OSBP2: variants seen among roughly 807,000 people sequenced by gnomAD.
The protein encoded by OSBP2 is oxysterol binding protein 2.
Under a neutral mutation model 96.0 loss-of-function variants are expected in OSBP2, and 66 were observed. The ratio of observed to expected loss-of-function variants is 0.69; its 90% CI spans 0.56 to 0.84. The LOEUF (loss-of-function observed/expected upper bound fraction) is 0.84. Among genes scored for constraint, OSBP2 ranks in the 40% least tolerant of loss-of-function variants. The probability of loss-of-function intolerance (pLI) is 0.00; values close to 1 mark genes in which losing one functional copy is unlikely to be tolerated. For synonymous variants in OSBP2, 525 were observed against 520.9 expected (o/e 1.01, Z -0.11); for missense variants, 1,038 against 1,222.7 (o/e 0.85, Z 2.25).
chr22:30,794,607 T>A, intron 2 of OSBP2, among the ~76,000 whole-genome samples: 1 of 152,018 alleles, frequency 6.6e-6, no homozygotes, highest in South Asian at 2.1e-4. Flanking sequence ...ATATGAATAT[T>A]TGATATATTA....
At chr22:30,885,801 C>T (rs966013658) in intron 3 of OSBP2, among the ~76,000 whole-genome samples, 5 of 152,254 alleles carry the variant, frequency 3.3e-5, no homozygotes, top group Admixed American at 2.0e-4. Flanking sequence ...TGAACCAAAC[C>T]AGCTGCTGCT....
At chr22:30,694,371 G>A (rs1394202740), upstream of OSBP2, 4 of 1,519,932 alleles carry the variant, frequency 2.6e-6, no homozygotes, top group East Asian at 7.4e-5. Flanking sequence ...GGGGCGGGGC[G>A]TCGTCTTTAG....
chr22:30,800,407 G>A (rs2090833027), intron 2 of OSBP2, among the ~76,000 whole-genome samples: 1 of 152,196 alleles, frequency 6.6e-6, no homozygotes, highest in East Asian at 1.9e-4. Flanking sequence ...CTGGCTGGTT[G>A]TGAGGGAGGA....
intron 3 of OSBP2, among the ~76,000 whole-genome samples, chr22:30,874,615 AG>A (rs1201103668): frequency 6.6e-6 from 1 of 152,166 alleles, no homozygotes; most frequent in African/African-American, 2.4e-5. Flanking sequence ...TGGTCCTCGC[AG>A]GGCGCTGCAG....
intron 2 of OSBP2, among the ~76,000 whole-genome samples, chr22:30,756,628 G>A (rs2090143998): frequency 1.3e-5 from 2 of 152,172 alleles, no homozygotes; most frequent in East Asian, 3.8e-4. Flanking sequence ...GGGAGGTGGA[G>A]TTTGCGGTGA....
At chr22:30,752,824 G>A (rs558737371) in intron 2 of OSBP2, among the ~76,000 whole-genome samples, 2 of 152,296 alleles carry the variant, frequency 1.3e-5, no homozygotes, top group South Asian at 4.1e-4. Flanking sequence ...AAAATACTCT[G>A]ATCTCTTTTA....
rs1048413764 is a variant in OSBP2, at chr22:30,890,501, T to C, written c.1624-227T>C. Among the ~76,000 whole-genome samples, 2 of 152,020 alleles carry C rather than the reference T, an allele frequency of 1.3e-5. No individual in the cohort carries two copies. The highest frequency in any genetic ancestry group is 4.8e-5 in the African/African-American group (2 of 41,392). ...AGCAACAGTGAACATGATAAAAGTG[T>C]GTAGGATGCAGCAGACCAGAAAGTG... On this transcript the variant is annotated intron_variant, in intron 7 of 13. Transcript: ENST00000332585. This position sits in a 1 kb window ranked among gnomAD's most constrained non-coding sequence, Gnocchi z 4.4.
chr22:30,898,865 A>ATAT (rs980702000), intron 12 of OSBP2, among the ~76,000 whole-genome samples: 7 of 54,426 alleles, frequency 1.3e-4, no homozygotes, highest in African/African-American at 8.2e-4. Flanking sequence ...CTTTATATTA[A>ATAT]TAATAATAAT....
intron 2 of OSBP2, among the ~76,000 whole-genome samples, chr22:30,848,266 C>T (rs56127349): frequency 0.049 from 7,392 of 152,106 alleles, 598 homozygotes; most frequent in African/African-American, 0.17. Context: ...CTATTGCAAA[C>T]AGTGCTGAAT....
At chr22:30,798,084 G>A (rs1244250242) in intron 2 of OSBP2, among the ~76,000 whole-genome samples, 1 of 152,090 alleles carries the variant, frequency 6.6e-6, no homozygotes, top group African/African-American at 2.4e-5. Context: ...CCACATCCTT[G>A]CCAACACTTG....
rs114301560 is a variant in OSBP2, at chr22:30,702,307, G to T, written c.644+6754G>T. Among the ~76,000 whole-genome samples the T allele has an allele frequency of 8.7e-3, 1,328 of 152,226 alleles. 16 individuals are homozygous for T. The highest frequency in any genetic ancestry group is 0.029 in the African/African-American group (1,221 of 41,534). ...CCTGGGGTTGTCTCACCTTCTCCAG[G>T]ATTCTCTTTCAATAGTACCTTCTCT... On this transcript the variant is annotated intron_variant, in intron 1 of 13. Coordinates refer to ENST00000332585, the MANE Select transcript of OSBP2 (RefSeq NM_030758.4).
intron 9 of OSBP2, 36 bp from the exon 10 acceptor site, chr22:30,893,427 G>C: frequency 1.3e-6 from 2 of 1,575,640 alleles, no homozygotes; most frequent in South Asian, 2.2e-5. Context: ...GCCCTGCATG[G>C]GGGGGCATGA....
At chr22:30,866,652 G>A (rs1225672137) in intron 2 of OSBP2, among the ~76,000 whole-genome samples, 1 of 152,158 alleles carries the variant, frequency 6.6e-6, no homozygotes. Context: ...TGGGAGAATC[G>A]CGTGAACCTG....
chr22:30,735,553 C>G (rs2089839656), intron 1 of OSBP2, among the ~76,000 whole-genome samples: 1 of 151,702 alleles, frequency 6.6e-6, no homozygotes, highest in Non-Finnish European at 1.5e-5. Flanking sequence ...CTCAAGTGAT[C>G]TCCCACTTCA....
Position 30,893,144 on chromosome 22 carries a change from C to A in OSBP2, c.1892C>A (p.Ala631Asp). ...CAGGTGAGCCACCACCCCCCCTCAGCTGCGCACTACGTGTTCTCCAAGCAT... is the reference window on the plus strand; with the variant it reads ...CAGGTGAGCCACCACCCCCCCTCAGATGCGCACTACGTGTTCTCCAAGCAT... Reference protein sequence around the residue: ...CEQVSHHPPSAAHYVFSKHGW... With the variant: ...CEQVSHHPPSDAHYVFSKHGW... Residue 631 changes from alanine (A) to aspartate (D), a missense_variant, in exon 9 of 14, where the codon GCT becomes GAT. Ala to Asp is a moderately radical substitution (Grantham distance 126). Coordinates refer to ENST00000332585, the MANE Select transcript of OSBP2 (RefSeq NM_030758.4). The A allele has an allele frequency of 6.2e-7, 1 of 1,614,098 alleles. No individual in the cohort carries two copies. Among genetic ancestry groups the A allele is most frequent in the Non-Finnish European group, 8.5e-7 (1 of 1,179,976 alleles).
chr22:30,745,303 A>AC (rs1453444519), intron 2 of OSBP2, among the ~76,000 whole-genome samples: 26 of 152,270 alleles, frequency 1.7e-4, no homozygotes, highest in African/African-American at 6.3e-4. Flanking sequence ...CAAACTTTAT[A>AC]CCCGAAGGAA....
intron 1 of OSBP2, among the ~76,000 whole-genome samples, chr22:30,730,527 T>C (rs1417134522): frequency 6.6e-6 from 1 of 151,798 alleles, no homozygotes; most frequent in Non-Finnish European, 1.5e-5. Context: ...TCTAGCACAG[T>C]TCCTTTATAT....
At chr22:30,694,823 C>G (rs2088992120), upstream of OSBP2, 3 of 574,492 alleles carry the variant, frequency 5.2e-6, no homozygotes, top group Non-Finnish European at 4.4e-6. Flanking sequence ...CCTCGCGCCG[C>G]GCGCACGTGA....
At chr22:30,694,195 C>T (rs2088976376), upstream of OSBP2, 24 of 1,550,064 alleles carry the variant, frequency 1.5e-5, no homozygotes, top group Non-Finnish European at 2.1e-5. Flanking sequence ...AAAGTCTTCC[C>T]CTATTTGTTT....
Sources: allele counts gnomAD v4.1 joint callset (sites outside exome capture counted in the v4.1 genomes callset), GRCh38; gene constraint gnomAD v4.1.1; non-coding constraint Gnocchi (gnomAD v3.1); transcripts MANE v1.5; gene names NCBI Gene and HGNC (gene_info 2026-07-23, HGNC 2026-07-21).